Variants in PCDH15 observed in about 807,000 individuals in gnomAD.
PCDH15 encodes the protein protocadherin-15.
Under a neutral mutation model 178.5 loss-of-function variants are expected in PCDH15, and 129 were observed. That is an observed-to-expected ratio of 0.72 (90% confidence interval 0.63 to 0.84). PCDH15 has a LOEUF of 0.84. PCDH15 is among the 40% of genes least tolerant of loss of function. The pLI is 0.00. For missense variants in PCDH15, 2,230 were observed against 2,099.9 expected (o/e 1.06, Z -1.21); for synonymous variants, 800 against 732.0 (o/e 1.09, Z -1.50).
chr10:55,382,559 C>A (rs1476639069), intron 2 of PCDH15, among the ~76,000 whole-genome samples: 3 of 152,130 alleles, frequency 2.0e-5, no homozygotes, highest in African/African-American at 7.2e-5. Flanking sequence ...GGTACACGGC[C>A]AGAACAAATT....
intron 1 of PCDH15, among the ~76,000 whole-genome samples, chr10:55,177,679 C>T (rs1839532795): frequency 6.6e-6 from 1 of 152,132 alleles, no homozygotes; most frequent in African/African-American, 2.4e-5. Context: ...AAATATCAAG[C>T]TCTGCTATTG....
chr10:54,072,337 A>T (rs1259822087), intron 17 of PCDH15, among the ~76,000 whole-genome samples: 1 of 152,224 alleles, frequency 6.6e-6, no homozygotes, highest in Non-Finnish European at 1.5e-5. Context: ...TCTTGTTGCT[A>T]CACAGTTCAG....
rs730880019 is a variant in PCDH15 at position 53,808,949 on chromosome 10, TTTC to T, written c.4671+1604_4671+1606del. The stretch of plus-strand genomic sequence containing the variant: ...CTTTCTTCCACAGGGGCTGGTCCAC[TTTC>T]TTCTTCTTCTGAGTGTTCTTCTTCT... On this transcript the variant is annotated intron_variant, in intron 37 of 37. Transcript: ENST00000644397. 5.8e-5 allele frequency: 91 copies of T among 1,559,156 alleles called. No individual in the cohort carries two copies. The East Asian group carries it at 6.8e-4, about 12-fold the overall frequency.
intron 2 of PCDH15, among the ~76,000 whole-genome samples, chr10:54,991,049 CTTGCT>C (rs1047194517): frequency 2.0e-4 from 31 of 151,772 alleles, no homozygotes; most frequent in African/African-American, 7.5e-4. Context: ...GTTTCTATTT[CTTGCT>C]TTGAAGTCCC....
At chr10:54,374,039 T>G (rs1349574154) in intron 4 of PCDH15, among the ~76,000 whole-genome samples, 2 of 151,950 alleles carry the variant, frequency 1.3e-5, no homozygotes, top group Non-Finnish European at 2.9e-5. Flanking sequence ...CTAGCAAAAC[T>G]CAAGAGACAG....
At chr10:54,601,089 C>T (rs929713105) in intron 2 of PCDH15, among the ~76,000 whole-genome samples, 2 of 152,126 alleles carry the variant, frequency 1.3e-5, no homozygotes, top group African/African-American at 2.4e-5. Context: ...GGGAGAACCT[C>T]GTTGACACGG....
intron 2 of PCDH15, among the ~76,000 whole-genome samples, chr10:55,401,593 A>G (rs1838069087): frequency 1.4e-5 from 1 of 73,690 alleles, no homozygotes; most frequent in Non-Finnish European, 2.4e-5. Context: ...AATTTGCCTT[A>G]CTGTGTGTGT....
intron 1 of PCDH15, among the ~76,000 whole-genome samples, chr10:54,779,497 T>TATAC (rs1439922664): frequency 1.8e-4 from 25 of 139,960 alleles, no homozygotes; most frequent in African/African-American, 4.4e-4. Context: ...TGTATATATA[T>TATAC]ACACACATAT....
intron 6 of PCDH15, among the ~76,000 whole-genome samples, chr10:54,345,813 A>G (rs1038531745): frequency 1.4e-5 from 2 of 138,216 alleles, no homozygotes; most frequent in Non-Finnish European, 3.0e-5. Context: ...AAAAAAAAAA[A>G]AAAAAAAAAA....
intron 15 of PCDH15, among the ~76,000 whole-genome samples, chr10:54,100,166 G>T (rs1463806923): frequency 6.6e-6 from 1 of 152,034 alleles, no homozygotes; most frequent in African/African-American, 2.4e-5. Flanking sequence ...AGGAGTTTGA[G>T]ACCAGCCTGA....
intron 15 of PCDH15, among the ~76,000 whole-genome samples, chr10:54,119,912 T>G (rs927930905): frequency 6.6e-6 from 1 of 152,100 alleles, no homozygotes. Flanking sequence ...CCTAATGTTA[T>G]CCCTCCCCTA....
chr10:55,524,674 T>C (rs929591910), intron 2 of PCDH15, among the ~76,000 whole-genome samples: 1 of 151,580 alleles, frequency 6.6e-6, no homozygotes, highest in Admixed American at 6.6e-5. Context: ...GGATGAAATA[T>C]TGCATGTATT....
intron 26 of PCDH15, among the ~76,000 whole-genome samples, chr10:53,902,863 A>G (rs2082416840): frequency 6.6e-6 from 1 of 152,084 alleles, no homozygotes; most frequent in African/African-American, 2.4e-5. Flanking sequence ...AAAATGGTTA[A>G]TTTATTCCAC....
intron 1 of PCDH15, among the ~76,000 whole-genome samples, chr10:54,797,464 TTTACTC>T (rs1371704791): frequency 6.6e-6 from 1 of 151,072 alleles, no homozygotes; most frequent in Non-Finnish European, 1.5e-5. Context: ...CTCAGAAACT[TTTACTC>T]TTTAGGTGAA....
intron 2 of PCDH15, among the ~76,000 whole-genome samples, chr10:54,972,848 CAA>C (rs750356955): frequency 3.2e-4 from 17 of 53,516 alleles, no homozygotes; most frequent in African/African-American, 9.4e-4. Context: ...GACTCCATCT[CAA>C]AAAAAAAAAA....
At chr10:54,803,729 A>G (rs920923747), upstream of PCDH15, among the ~76,000 whole-genome samples, 1 of 152,214 alleles carries the variant, frequency 6.6e-6, no homozygotes, top group Admixed American at 6.5e-5. Flanking sequence ...CATAGCTGTC[A>G]ATCATAGATA....
At chr10:54,112,289 T>C (rs529451584) in intron 15 of PCDH15, among the ~76,000 whole-genome samples, 1 of 152,150 alleles carries the variant, frequency 6.6e-6, no homozygotes, top group East Asian at 1.9e-4. Context: ...GGATTTCCTG[T>C]GCATTTAGGG....
intron 8 of PCDH15, among the ~76,000 whole-genome samples, chr10:54,297,161 T>A (rs986931440): frequency 3.9e-5 from 6 of 152,074 alleles, no homozygotes; most frequent in Non-Finnish European, 7.4e-5. Flanking sequence ...TGTGGGTTCT[T>A]GGGCAGGGGG....
intron 3 of PCDH15, among the ~76,000 whole-genome samples, chr10:54,399,261 A>T (rs1951637091): frequency 6.6e-6 from 1 of 151,900 alleles, no homozygotes; most frequent in Non-Finnish European, 1.5e-5. Context: ...ACTGAAGTTC[A>T]GTGTGTAACA....
Sources: gnomAD v4.1 joint callset for allele counts (sites outside exome capture counted in the v4.1 genomes callset) on GRCh38, gnomAD v4.1.1 for gene constraint, MANE v1.5 for transcripts, NCBI Gene and HGNC (gene_info 2026-07-23, HGNC 2026-07-21) for gene names.